The following FGGY variants were observed in gnomAD, a reference collection of about 807,000 sequenced individuals.
FGGY encodes FGGY carbohydrate kinase domain-containing protein.
FGGY carries 72 observed loss-of-function variants against 71.3 expected under a neutral mutation model. That is an observed-to-expected ratio of 1.01 (90% CI 0.84 to 1.23). FGGY has a LOEUF of 1.23. Ranked by LOEUF, FGGY falls within the 50% of genes most tolerant of loss-of-function variation. The pLI, the probability that FGGY is intolerant of heterozygous loss-of-function variation, is 0.00. For missense variants in FGGY, 668 were observed against 682.3 expected, an observed-to-expected ratio of 0.98 and a Z score of 0.23; for synonymous variants, 251 against 250.3, an observed-to-expected ratio of 1.00 and a Z score of -0.02.
At chr1:59,662,007 C>T (rs2097279295) in intron 12 of FGGY, among the ~76,000 whole-genome samples, 1 of 146,420 alleles carries the variant, frequency 6.8e-6, no homozygotes, top group Admixed American at 6.7e-5. Context: ...GCATGAGCCA[C>T]CGCACCTGGC....
chr1:59,590,164 A>G (rs2096401478), intron 8 of FGGY, among the ~76,000 whole-genome samples: 2 of 152,236 alleles, frequency 1.3e-5, no homozygotes, highest in South Asian at 4.1e-4. Context: ...AAACACCTCT[A>G]CTCAAATAAA....
intron 1 of FGGY, chr1:59,316,026 C>G (rs2045393671): frequency 6.6e-6 from 1 of 152,218 alleles, no homozygotes; most frequent in Non-Finnish European, 1.5e-5. Flanking sequence ...CTTCTCATTT[C>G]AAATTTTTCC....
intron 8 of FGGY, among the ~76,000 whole-genome samples, chr1:59,578,421 A>C (rs2096124116): frequency 6.6e-6 from 1 of 151,956 alleles, no homozygotes; most frequent in African/African-American, 2.4e-5. Flanking sequence ...GTATGGAGGA[A>C]CCCCAAAACA....
In FGGY at chr1:59,518,836, A is replaced by G. The variant is rs182255934; in HGVS notation, c.799+6397A>G. 2.4e-3 allele frequency among the ~76,000 whole-genome samples: 365 copies of G among 152,346 alleles called. 3 individuals are homozygous for G. The highest frequency in any genetic ancestry group is 8.1e-3 in the African/African-American group (337 of 41,580). ...TGAGCCAATTAAAACTCTGTCTTCT[A>G]TAAACTGTTCAGTTTCAGGTATTCC... On this transcript the variant is annotated intron_variant, in intron 7 of 15. Coordinates refer to ENST00000303721, the MANE Select transcript of FGGY (RefSeq NM_018291.5).
chr1:59,523,757 A>G (rs2094899687), intron 7 of FGGY, among the ~76,000 whole-genome samples: 1 of 152,196 alleles, frequency 6.6e-6, no homozygotes, highest in African/African-American at 2.4e-5. Context: ...AAGATGGTAA[A>G]AATTTAAATG....
intron 1 of FGGY, among the ~76,000 whole-genome samples, chr1:59,298,782 C>A (rs1401991351): frequency 6.6e-6 from 1 of 152,170 alleles, no homozygotes; most frequent in Non-Finnish European, 1.5e-5. Flanking sequence ...CCAGAACGTG[C>A]TACAGAGATC....
chr1:59,296,531 C>T (rs2041984121), upstream of FGGY: 1 of 152,466 alleles, frequency 6.6e-6, no homozygotes, highest in South Asian at 2.1e-4. Flanking sequence ...CCGCGCTCCT[C>T]CCGCCTTGCC....
chr1:59,698,934 G>T lies in FGGY; in HGVS notation c.1512+24801G>T. The stretch of plus-strand genomic sequence containing the variant: ...TCCTAAATATGCTCCTAGCAGCCAG[G>T]TATTATTTAATACATCCCCATTAAT... On this transcript the variant is annotated intron_variant, in intron 14 of 15. Transcript: ENST00000303721. 3 of 985,260 alleles carry T rather than the reference G, an allele frequency of 3.0e-6. No individual in the cohort carries two copies. In the African/African-American group the frequency reaches 5.2e-5, roughly 17 times the overall value. 61.0% of individuals were successfully genotyped at this position (985,260 alleles called of 1,614,324 possible).
chr1:59,576,232 A>C (rs11583950), intron 8 of FGGY, among the ~76,000 whole-genome samples: 14,873 of 152,234 alleles, frequency 0.098, 878 homozygotes, highest in South Asian at 0.28. Context: ...AAAAAGAATG[A>C]GTTCATGTCC....
intron 8 of FGGY, among the ~76,000 whole-genome samples, chr1:59,565,758 A>T (rs1319992993): frequency 3.9e-5 from 6 of 152,188 alleles, no homozygotes; most frequent in Admixed American, 2.0e-4. Flanking sequence ...GCCTGATGAG[A>T]ACTGCACAGT....
intron 4 of FGGY, among the ~76,000 whole-genome samples, chr1:59,361,784 C>CA (rs1358182294): frequency 2.6e-5 from 4 of 152,182 alleles, no homozygotes; most frequent in African/African-American, 9.7e-5. Context: ...TTTGAGCACT[C>CA]ACGTCCTCAC....
intron 7 of FGGY, among the ~76,000 whole-genome samples, chr1:59,533,327 C>T (rs564048568): frequency 6.6e-6 from 1 of 152,344 alleles, no homozygotes; most frequent in East Asian, 1.9e-4. Context: ...AGATTATATC[C>T]CGCACCTGGC....
chr1:59,505,583 C>T (rs2094357388), intron 6 of FGGY, among the ~76,000 whole-genome samples: 1 of 152,198 alleles, frequency 6.6e-6, no homozygotes, highest in South Asian at 2.1e-4. Flanking sequence ...AAAGCTCTTT[C>T]TGACATTTCC....
intron 7 of FGGY, among the ~76,000 whole-genome samples, chr1:59,523,863 T>C (rs1299469702): frequency 1.3e-5 from 2 of 152,248 alleles, no homozygotes; most frequent in African/African-American, 4.8e-5. Flanking sequence ...ATGGCAGCAG[T>C]GACCCATCTG....
intron 12 of FGGY, 44 bp downstream of exon 12, chr1:59,660,337 A>G (rs80199257): frequency 0.016 from 24,200 of 1,492,654 alleles, 534 homozygotes; most frequent in African/African-American, 0.1. Flanking sequence ...TAGAGCCATC[A>G]GTATACTCTA....
At chr1:59,671,578 A>T (rs981122843) in intron 13 of FGGY, among the ~76,000 whole-genome samples, 1 of 152,212 alleles carries the variant, frequency 6.6e-6, no homozygotes, top group Non-Finnish European at 1.5e-5. Context: ...GGCAAATGGA[A>T]GCAGTGGATT....
intron 6 of FGGY, among the ~76,000 whole-genome samples, chr1:59,463,202 G>T (rs958760248): frequency 1.3e-5 from 2 of 152,120 alleles, no homozygotes; most frequent in African/African-American, 4.8e-5. Flanking sequence ...GATGAAATTG[G>T]AAATCAACAT....
chr1:59,493,781 A>G (rs1315957981), intron 6 of FGGY, among the ~76,000 whole-genome samples: 1 of 152,218 alleles, frequency 6.6e-6, no homozygotes, highest in African/African-American at 2.4e-5. Context: ...AAAACAGTTA[A>G]GATAGTAAAT....
chr1:59,507,785 C>G (rs12091586), intron 6 of FGGY, among the ~76,000 whole-genome samples: 1 of 149,896 alleles, frequency 6.7e-6, no homozygotes, highest in East Asian at 2.0e-4. Context: ...CTGCCTGCCT[C>G]GGCCTCCCAA....
Sources: allele counts gnomAD v4.1 joint callset (sites outside exome capture counted in the v4.1 genomes callset), GRCh38; gene constraint gnomAD v4.1.1; transcripts MANE v1.5; gene names NCBI Gene and HGNC (gene_info 2026-07-23, HGNC 2026-07-21).